Variants in DPYD observed in about 807,000 individuals in gnomAD.
The protein encoded by DPYD is dihydropyrimidine dehydrogenase, also known as dihydropyrimidine dehydrogenase [NADP(+)].
DPYD carries 109 observed loss-of-function variants against 116.2 expected under a neutral mutation model. That is an observed-to-expected ratio of 0.94 (90% confidence interval 0.80 to 1.10). DPYD has a LOEUF of 1.10. Among genes scored for constraint, DPYD ranks in the 50% least tolerant of loss-of-function variants. The pLI, the probability that DPYD is intolerant of heterozygous loss-of-function variation, is 0.00. For missense variants in DPYD, 1,302 were observed against 1,254.5 expected (o/e 1.04, Z -0.57); for synonymous variants, 440 against 432.0 (o/e 1.02, Z -0.23).
At chr1:97,575,722 T>C (rs761304564) in intron 10 of DPYD, among the ~76,000 whole-genome samples, 134 of 152,284 alleles carry the variant, frequency 8.8e-4, no homozygotes, top group Non-Finnish European at 1.5e-3. Flanking sequence ...GTAAGCGGAA[T>C]TGAATCAAAT....
intron 15 of DPYD, among the ~76,000 whole-genome samples, chr1:97,376,411 C>T (rs952786629): frequency 2.0e-5 from 3 of 152,040 alleles, no homozygotes; most frequent in Non-Finnish European, 4.4e-5. Context: ...TATAATTTCC[C>T]CAACATTATA....
At chr1:97,633,473 A>G (rs1170762110) in intron 8 of DPYD, among the ~76,000 whole-genome samples, 2 of 152,068 alleles carry the variant, frequency 1.3e-5, no homozygotes, top group African/African-American at 4.8e-5. Flanking sequence ...ACCTAGAGAG[A>G]GTGGGAGGGC....
intron 19 of DPYD, among the ~76,000 whole-genome samples, chr1:97,224,914 A>G (rs1661014645): frequency 6.6e-6 from 1 of 151,982 alleles, no homozygotes; most frequent in Admixed American, 6.6e-5. Flanking sequence ...CTATTGATAG[A>G]CACTTAAGGT....
In DPYD at chr1:97,850,389, A is replaced by C. The variant is rs1175119592; in HGVS notation, c.151-22193T>G. On this transcript the variant is annotated intron_variant, in intron 2 of 22. Transcript: ENST00000370192. ...TAGGTATTAATTAAAGAAATAAATT[A>C]AGATATGCTTAACTAAATTCTTAGA... 2.0e-5 allele frequency among the ~76,000 whole-genome samples: 3 copies of C among 152,320 alleles called. No homozygotes were observed. The East Asian group carries it at 5.8e-4, about 29-fold the overall frequency.
intron 16 of DPYD, among the ~76,000 whole-genome samples, chr1:97,337,572 A>G (rs1466339129): frequency 6.6e-6 from 1 of 151,864 alleles, no homozygotes; most frequent in Non-Finnish European, 1.5e-5. Context: ...CCTTCAAACG[A>G]GATCTTAGCT....
intron 14 of DPYD, among the ~76,000 whole-genome samples, chr1:97,427,053 G>A (rs1217255285): frequency 6.6e-6 from 1 of 152,004 alleles, no homozygotes; most frequent in East Asian, 1.9e-4. Flanking sequence ...GAATTAAGTT[G>A]TTATGAACCT....
chr1:97,430,588 T>TG (rs1243805009), intron 14 of DPYD, among the ~76,000 whole-genome samples: 123 of 7,360 alleles, frequency 0.017, no homozygotes, highest in Admixed American at 0.11. Flanking sequence ...AACTCAGTCT[T>TG]GGGAAAAAAA....
intron 13 of DPYD, among the ~76,000 whole-genome samples, chr1:97,503,089 T>C (rs142579150): frequency 7.6e-4 from 115 of 152,142 alleles, no homozygotes; most frequent in African/African-American, 2.4e-3. Context: ...CTTAAGAGTA[T>C]ATTGTGCCTC....
intron 12 of DPYD, among the ~76,000 whole-genome samples, chr1:97,542,135 C>T (rs1650493887): frequency 6.6e-6 from 1 of 152,166 alleles, no homozygotes; most frequent in Admixed American, 6.5e-5. Flanking sequence ...GAAATCCTAG[C>T]TAGGCAATCT....
chr1:97,630,302 A>T (rs1341986124), intron 8 of DPYD, among the ~76,000 whole-genome samples: 1 of 152,000 alleles, frequency 6.6e-6, no homozygotes, highest in African/African-American at 2.4e-5. Flanking sequence ...CCATTTTCCT[A>T]ACCAGTTACT....
At chr1:97,699,839 A>C (rs1380185172) in intron 5 of DPYD, among the ~76,000 whole-genome samples, 1 of 151,978 alleles carries the variant, frequency 6.6e-6, no homozygotes, top group Non-Finnish European at 1.5e-5. Flanking sequence ...CCTACAGCAT[A>C]ATCTGTATGT....
chr1:97,106,266 G>A (rs959164819), intron 20 of DPYD, among the ~76,000 whole-genome samples: 7 of 152,068 alleles, frequency 4.6e-5, no homozygotes, highest in East Asian at 3.9e-4. Flanking sequence ...ATGGTGTAAC[G>A]GTTAATTTTA....
intron 19 of DPYD, among the ~76,000 whole-genome samples, chr1:97,200,031 C>T (rs1477242725): frequency 6.6e-6 from 1 of 152,124 alleles, no homozygotes; most frequent in African/African-American, 2.4e-5. Flanking sequence ...AAATATTTAT[C>T]CCAGGTAAAT....
chr1:97,447,970 TCC>T (rs201884738), intron 14 of DPYD, among the ~76,000 whole-genome samples: 2,592 of 152,262 alleles, frequency 0.017, 38 homozygotes, highest in Non-Finnish European at 0.026. Flanking sequence ...ACACCTGTAA[TCC>T]CAGCACTTTG....
At chr1:97,254,751 T>G (rs1008148962) in intron 18 of DPYD, among the ~76,000 whole-genome samples, 1 of 152,180 alleles carries the variant, frequency 6.6e-6, no homozygotes, top group Admixed American at 6.6e-5. Flanking sequence ...TATGAAGTGT[T>G]AAAATAAACG....
chr1:97,893,429 C>CATATATATATATATATATAT (rs59336649), intron 1 of DPYD, among the ~76,000 whole-genome samples: 10 of 71,902 alleles, frequency 1.4e-4, no homozygotes, highest in African/African-American at 1.7e-4. Flanking sequence ...ATATCCATCG[C>CATATATATATATATATATAT]ATATATATAT....
intron 3 of DPYD, among the ~76,000 whole-genome samples, chr1:97,780,309 T>G (rs934324543): frequency 2.6e-5 from 4 of 152,238 alleles, no homozygotes; most frequent in Non-Finnish European, 4.4e-5. Flanking sequence ...TCGACATTGT[T>G]GTTTTGAGAA....
At chr1:97,662,149 A>G (rs1456609283) in intron 8 of DPYD, among the ~76,000 whole-genome samples, 2 of 151,122 alleles carry the variant, frequency 1.3e-5, no homozygotes, top group Non-Finnish European at 3.0e-5. Flanking sequence ...TACAGGCACC[A>G]GCCACCACAT....
chr1:97,917,393 A>G (rs911696356), intron 1 of DPYD, among the ~76,000 whole-genome samples: 4 of 152,116 alleles, frequency 2.6e-5, no homozygotes, highest in African/African-American at 9.7e-5. Context: ...TTGTTTCAAA[A>G]TTTGTAAAGT....
Sources: gnomAD v4.1 joint callset for allele counts (sites outside exome capture counted in the v4.1 genomes callset) on GRCh38, gnomAD v4.1.1 for gene constraint, MANE v1.5 for transcripts, NCBI Gene and HGNC (gene_info 2026-07-23, HGNC 2026-07-21) for gene names.